IL1RAPL1: variants seen among roughly 807,000 people sequenced by gnomAD.
IL1RAPL1 encodes the protein interleukin-1 receptor accessory protein-like 1.
IL1RAPL1 carries 3 observed loss-of-function variants against 48.4 expected under a neutral mutation model. That is an observed-to-expected ratio of 0.06 (90% CI 0.03 to 0.16). The LOEUF (loss-of-function observed/expected upper bound fraction) is 0.16. Among genes scored for constraint, IL1RAPL1 ranks in the 10% least tolerant of loss-of-function variants. The pLI is 1.00. For missense variants in IL1RAPL1, 349 were observed against 530.6 expected, an observed-to-expected ratio of 0.66 and a Z score of 3.36; for synonymous variants, 185 against 187.7, an observed-to-expected ratio of 0.99 and a Z score of 0.12.
chrX:29,505,070 A>T (rs1430838770), intron 5 of IL1RAPL1, among the ~76,000 whole-genome samples: 1 of 112,167 alleles, frequency 8.9e-6, no homozygotes, highest in Non-Finnish European at 1.9e-5. Context: ...TGAAGAGACG[A>T]CAACTTATCT....
At chrX:29,184,660 A>G (rs1930216726) in intron 2 of IL1RAPL1, among the ~76,000 whole-genome samples, 1 of 109,785 alleles carries the variant, frequency 9.1e-6, no homozygotes, top group Non-Finnish European at 1.9e-5. Context: ...GCCACCACAC[A>G]TGGCTACTTT....
intron 2 of IL1RAPL1, among the ~76,000 whole-genome samples, chrX:28,845,679 T>A (rs955424672): frequency 2.7e-5 from 3 of 112,119 alleles, no homozygotes; most frequent in Non-Finnish European, 3.8e-5. Flanking sequence ...AATCCTCATA[T>A]AAAGTATAAA....
chrX:29,374,608 T>C (rs6630854), intron 3 of IL1RAPL1, among the ~76,000 whole-genome samples: 45,004 of 107,922 alleles, frequency 0.42, 8,514 homozygotes, highest in Middle Eastern at 0.58. Context: ...CGTACAAAGA[T>C]TGTATGGTTC....
chrX:29,784,385 G>C (rs1036425808), intron 6 of IL1RAPL1, among the ~76,000 whole-genome samples: 3 of 110,806 alleles, frequency 2.7e-5, no homozygotes, highest in African/African-American at 9.8e-5. Flanking sequence ...CCTCCCATTA[G>C]GTGAGTTTCT....
intron 5 of IL1RAPL1, among the ~76,000 whole-genome samples, chrX:29,580,756 T>G (rs1030042953): frequency 8.9e-6 from 1 of 111,839 alleles, no homozygotes; most frequent in Non-Finnish European, 1.9e-5. Flanking sequence ...TCTTTGCCAA[T>G]TTGAACGCAG....
intron 5 of IL1RAPL1, among the ~76,000 whole-genome samples, chrX:29,657,305 G>A (rs1042789487): frequency 4.2e-4 from 47 of 111,504 alleles, no homozygotes; most frequent in African/African-American, 1.2e-3. Flanking sequence ...CCTGTGCATC[G>A]TAAGATCTTT....
chrX:29,287,186 A>C (rs12559028), intron 3 of IL1RAPL1, among the ~76,000 whole-genome samples: 45,519 of 110,713 alleles, frequency 0.41, 9,042 homozygotes, highest in Non-Finnish European at 0.61. Flanking sequence ...GAAATCATAC[A>C]GTATAGAACC....
At chrX:29,583,192 A>C (rs1602309519) in intron 5 of IL1RAPL1, among the ~76,000 whole-genome samples, 2 of 85,146 alleles carry the variant, frequency 2.3e-5, no homozygotes, top group African/African-American at 9.2e-5. Flanking sequence ...GCTCCTATTC[A>C]ACATAGTGTT....
At chrX:29,670,416 T>G in intron 6 of IL1RAPL1, among the ~76,000 whole-genome samples, 1 of 112,224 alleles carries the variant, frequency 8.9e-6, no homozygotes, top group Middle Eastern at 4.7e-3. Context: ...GAGGTCTCTT[T>G]AACCACTGAC....
At chrX:29,102,863 A>G (rs931743772) in intron 2 of IL1RAPL1, among the ~76,000 whole-genome samples, 1 of 111,355 alleles carries the variant, frequency 9.0e-6, no homozygotes, top group Non-Finnish European at 1.9e-5. Flanking sequence ...AAATCAAGAA[A>G]GTAATCCCAT....
intron 6 of IL1RAPL1, among the ~76,000 whole-genome samples, chrX:29,719,223 C>T (rs141930569): frequency 4.0e-4 from 45 of 111,818 alleles, no homozygotes; most frequent in African/African-American, 1.0e-3. Flanking sequence ...ACCTGGAATG[C>T]GACTACTGTC....
At chrX:28,920,626 G>T (rs896750209) in intron 2 of IL1RAPL1, among the ~76,000 whole-genome samples, 31 of 111,824 alleles carry the variant, frequency 2.8e-4, no homozygotes, top group Non-Finnish European at 5.6e-5. Flanking sequence ...GTATACAAAG[G>T]GTTGATAGCT....
intron 6 of IL1RAPL1, among the ~76,000 whole-genome samples, chrX:29,689,342 G>A (rs1003700274): frequency 1.2e-4 from 13 of 111,504 alleles, no homozygotes; most frequent in Non-Finnish European, 2.1e-4. Flanking sequence ...CTTATTTCAC[G>A]TTGTATGCCT....
chrX:29,575,556 G>T lies in IL1RAPL1; in HGVS notation c.704-92874G>T, dbSNP rs747023217. On this transcript the variant is annotated intron_variant, in intron 5 of 10. Coordinates refer to ENST00000378993, the MANE Select transcript of IL1RAPL1 (RefSeq NM_014271.4). ...TTTGTTCTAGCTGCACTGGCAGCCA[G>T]TTGGATGGTGCCCACCCACATTGAG... Among the ~76,000 whole-genome samples the T allele has an allele frequency of 3.6e-5, 4 of 112,072 alleles. No individual in the cohort carries two copies. In the Admixed American group the frequency reaches 3.8e-4, roughly 11 times the overall value.
chrX:29,316,953 G>A (rs1308488847), intron 3 of IL1RAPL1, among the ~76,000 whole-genome samples: 3 of 110,834 alleles, frequency 2.7e-5, no homozygotes, highest in Non-Finnish European at 3.8e-5. Context: ...AAAAGGGAGG[G>A]GGTATAAAAA....
At chrX:29,712,058 G>GT (rs1015003389) in intron 6 of IL1RAPL1, among the ~76,000 whole-genome samples, 1 of 101,271 alleles carries the variant, frequency 9.9e-6, no homozygotes, top group Non-Finnish European at 2.0e-5. Context: ...TATTATTGCT[G>GT]TTTTTTTGGA....
intron 1 of IL1RAPL1, among the ~76,000 whole-genome samples, chrX:28,723,755 A>C (rs1363400025): frequency 1.8e-5 from 2 of 110,964 alleles, no homozygotes; most frequent in Non-Finnish European, 3.8e-5. Context: ...CCCTCTACAC[A>C]CCGCTTTAAA....
intron 5 of IL1RAPL1, among the ~76,000 whole-genome samples, chrX:29,559,504 T>C (rs1189384428): frequency 8.9e-6 from 1 of 112,192 alleles, no homozygotes; most frequent in Non-Finnish European, 1.9e-5. Context: ...TCAGTCTCCT[T>C]ACTTGTTAGT....
intron 3 of IL1RAPL1, among the ~76,000 whole-genome samples, chrX:29,388,251 G>A (rs193103525): frequency 3.6e-5 from 4 of 109,920 alleles, no homozygotes; most frequent in African/African-American, 1.3e-4. Context: ...GGCCTTTGAA[G>A]TCTTTAGCCT....
Sources: gnomAD v4.1 joint callset for allele counts (sites outside exome capture counted in the v4.1 genomes callset) on GRCh38, gnomAD v4.1.1 for gene constraint, MANE v1.5 for transcripts, NCBI Gene and HGNC (gene_info 2026-07-23, HGNC 2026-07-21) for gene names.